The following SLC25A48 variants were observed in gnomAD, a reference collection of about 807,000 sequenced individuals.
The protein encoded by SLC25A48 is CTC-321K16.1.
Under a neutral mutation model 32.2 loss-of-function variants are expected in SLC25A48, and 29 were observed. The ratio of observed to expected loss-of-function variants is 0.90; its 90% CI spans 0.67 to 1.23. The LOEUF is 1.23. Among genes scored for constraint, SLC25A48 ranks in the 50% most tolerant of loss-of-function variants. SLC25A48 has a pLI of 0.00. For missense variants in SLC25A48, 399 were observed against 422.7 expected, an observed-to-expected ratio of 0.94 and a Z score of 0.49; for synonymous variants, 164 against 172.3, an observed-to-expected ratio of 0.95 and a Z score of 0.38.
chr5:135,695,794 A>G (rs1479821824), intron 3 of SLC25A48, among the ~76,000 whole-genome samples: 1 of 152,192 alleles, frequency 6.6e-6, no homozygotes, highest in East Asian at 1.9e-4. Context: ...CCTTCTCTCC[A>G]GGATATGGGC....
intron 3 of SLC25A48, among the ~76,000 whole-genome samples, chr5:135,743,207 G>T (rs1469422704): frequency 2.7e-5 from 4 of 148,010 alleles, no homozygotes; most frequent in Non-Finnish European, 4.5e-5. Context: ...AAGTAGCTGG[G>T]ATTACAGGTG....
At chr5:135,614,254 T>C (rs1752137731) in intron 1 of SLC25A48, among the ~76,000 whole-genome samples, 1 of 152,216 alleles carries the variant, frequency 6.6e-6, no homozygotes, top group Non-Finnish European at 1.5e-5. Context: ...CTTGAAACAC[T>C]ACTGATTTTT....
chr5:135,851,862 C>A (rs78991141), intron 3 of SLC25A48, among the ~76,000 whole-genome samples: 10 of 152,074 alleles, frequency 6.6e-5, no homozygotes, highest in Admixed American at 3.9e-4. Flanking sequence ...GCCTGCAGCA[C>A]CCCCTCCTCA....
intron 1 of SLC25A48, among the ~76,000 whole-genome samples, chr5:135,624,476 A>G (rs1327480950): frequency 6.6e-6 from 1 of 152,258 alleles, no homozygotes; most frequent in Non-Finnish European, 1.5e-5. Flanking sequence ...AAATAAATAT[A>G]AAATAAATAA....
chr5:135,771,625 G>T (rs11242270), intron 3 of SLC25A48, among the ~76,000 whole-genome samples: 35,575 of 151,394 alleles, frequency 0.23, 4,753 homozygotes, highest in East Asian at 0.45. Flanking sequence ...ATCACAGGGG[G>T]TGTACACTTC....
At position 135,650,084 on chromosome 5, in the gene SLC25A48, T is replaced by C. The variant is rs115411558; in HGVS notation, c.-521+15128T>C. ...GATCATTCATATTCTTCAAAAATAT[T>C]CTTATATTTCCTGCAGTCTCATTTC... On this transcript the variant is annotated intron_variant, in intron 3 of 10. Transcript: ENST00000646290. 1,737 of 181,952 alleles carry C rather than the reference T, an allele frequency of 9.5e-3. 40 individuals are homozygous for C. The highest frequency in any genetic ancestry group is 0.039 in the African/African-American group (1,625 of 41,736). The allele number at this position is 181,952 out of a possible 1,614,324, so 11.3% of individuals were successfully genotyped here.
chr5:135,638,820 C>A (rs1297425083), intron 3 of SLC25A48, among the ~76,000 whole-genome samples: 4 of 152,148 alleles, frequency 2.6e-5, no homozygotes, highest in Non-Finnish European at 5.9e-5. Context: ...TCGTGATACA[C>A]CATGTTTCAA....
Position 135,756,268 on chromosome 5 carries a change from TATG to T in SLC25A48, c.-520-56252_-520-56250del, listed in dbSNP as rs1317978652. Among the ~76,000 whole-genome samples the T allele has an allele frequency of 4.6e-5, 7 of 150,580 alleles. No homozygotes were observed. In the East Asian group the frequency reaches 1.2e-3, roughly 25 times the overall value. ...TATTTATAACATCTAGTGTTAACACTATGATATTAAGAAAAATATCATCTTTGT... is the reference window on the plus strand; with the variant it reads ...TATTTATAACATCTAGTGTTAACACTATATTAAGAAAAATATCATCTTTGT... On this transcript the variant is annotated intron_variant, in intron 3 of 10. Transcript: ENST00000646290.
chr5:135,687,646 A>G (rs530086619), intron 3 of SLC25A48, among the ~76,000 whole-genome samples: 12 of 152,268 alleles, frequency 7.9e-5, no homozygotes, highest in African/African-American at 2.9e-4. Context: ...TCACAATTTC[A>G]TAAAGACTTA....
intron 1 of SLC25A48, among the ~76,000 whole-genome samples, chr5:135,620,359 C>T (rs1163074946): frequency 1.3e-5 from 2 of 151,994 alleles, no homozygotes; most frequent in Non-Finnish European, 2.9e-5. Context: ...TTCGGGCCAC[C>T]CAGTGGTATA....
At chr5:135,661,165 C>G (rs962383034) in intron 3 of SLC25A48, among the ~76,000 whole-genome samples, 1 of 152,212 alleles carries the variant, frequency 6.6e-6, no homozygotes, top group Non-Finnish European at 1.5e-5. Context: ...CAGGAGTTCC[C>G]TAGCTCCCTC....
chr5:135,729,249 A>C (rs1755170033), intron 3 of SLC25A48, among the ~76,000 whole-genome samples: 1 of 152,186 alleles, frequency 6.6e-6, no homozygotes, highest in Non-Finnish European at 1.5e-5. Flanking sequence ...TAAGGCCTTC[A>C]AAGAGTAATA....
At chr5:135,723,995 T>C (rs942792641) in intron 3 of SLC25A48, among the ~76,000 whole-genome samples, 1 of 152,200 alleles carries the variant, frequency 6.6e-6, no homozygotes, top group African/African-American at 2.4e-5. Context: ...CTTCTCTACT[T>C]ATTTAAATAA....
At position 135,629,783 on chromosome 5, in the gene SLC25A48, G is replaced by A. The variant is rs568875963; in HGVS notation, c.-709+407G>A. Among the ~76,000 whole-genome samples, 222 of 152,234 alleles carry A rather than the reference G, an allele frequency of 1.5e-3. No individual in the cohort carries two copies. Among genetic ancestry groups the A allele is most frequent in the Admixed American group, 4.4e-3 (68 of 15,284 alleles). On this transcript the variant is annotated intron_variant, in intron 2 of 10. Transcript: ENST00000646290. The surrounding 1 kb of genome is among the most constrained non-coding windows in gnomAD (Gnocchi z 4.8). ...AGGGTTGCTCTCAGTGGTAGGGCAT[G>A]TTAACTCTCCAGCACTTCTGGCCTG...
intron 3 of SLC25A48, among the ~76,000 whole-genome samples, chr5:135,713,988 G>C (rs974802537): frequency 1.3e-5 from 2 of 152,236 alleles, no homozygotes; most frequent in African/African-American, 4.8e-5. Context: ...AGCCCCAAAG[G>C]CTGGAGCAGG....
chr5:135,744,001 T>G (rs1755572067), intron 3 of SLC25A48, among the ~76,000 whole-genome samples: 1 of 152,242 alleles, frequency 6.6e-6, no homozygotes, highest in African/African-American at 2.4e-5. Context: ...AAAGACAGGA[T>G]AAGATTAATC....
chr5:135,638,272 A>G (rs899091986), intron 3 of SLC25A48, among the ~76,000 whole-genome samples: 3 of 152,238 alleles, frequency 2.0e-5, no homozygotes, highest in African/African-American at 7.2e-5. Context: ...AAATATTAAT[A>G]TTTGTCACTG....
intron 3 of SLC25A48, among the ~76,000 whole-genome samples, chr5:135,851,894 C>T (rs879227375): frequency 2.0e-5 from 3 of 152,108 alleles, no homozygotes; most frequent in Non-Finnish European, 4.4e-5. Context: ...CCTGTGTGTG[C>T]GCATCCTGTG....
At chr5:135,699,429 G>C (rs939978272) in intron 3 of SLC25A48, among the ~76,000 whole-genome samples, 1 of 150,012 alleles carries the variant, frequency 6.7e-6, no homozygotes, top group African/African-American at 2.4e-5. Flanking sequence ...AGACATGGAA[G>C]AATGAGACCA....
Sources: gnomAD v4.1 joint callset for allele counts (sites outside exome capture counted in the v4.1 genomes callset) on GRCh38, gnomAD v4.1.1 for gene constraint, Gnocchi (gnomAD v3.1) non-coding constraint, MANE v1.5 for transcripts, NCBI Gene and HGNC (gene_info 2026-07-23, HGNC 2026-07-21) for gene names.